NRG3: variants seen among roughly 807,000 people sequenced by gnomAD.
NRG3 encodes the protein pro-neuregulin-3, membrane-bound isoform.
NRG3 carries 31 observed loss-of-function variants against 66.9 expected under a neutral mutation model. The ratio of observed to expected loss-of-function variants is 0.46; its 90% CI spans 0.35 to 0.63. The LOEUF is 0.63. Ranked by LOEUF, NRG3 falls within the 20% of genes least tolerant of loss-of-function variation. NRG3 has a pLI of 0.00. For synonymous variants in NRG3, 393 were observed against 359.4 expected (o/e 1.09, Z -1.06); for missense variants, 910 against 878.9 (o/e 1.04, Z -0.45).
intron 2 of NRG3, among the ~76,000 whole-genome samples, chr10:82,463,445 G>T (rs574359583): frequency 1.3e-5 from 2 of 152,274 alleles, no homozygotes; most frequent in Admixed American, 1.3e-4. Context: ...TTCTCAGTTG[G>T]CTTTTTAAAT....
At chr10:81,953,491 C>A (rs1367180432) in intron 1 of NRG3, among the ~76,000 whole-genome samples, 1 of 152,246 alleles carries the variant, frequency 6.6e-6, no homozygotes, top group African/African-American at 2.4e-5. Context: ...CCTTCCAGTC[C>A]ATTCTGATAC....
chr10:82,720,148 G>A (rs868338916), intron 2 of NRG3, among the ~76,000 whole-genome samples: 2 of 152,244 alleles, frequency 1.3e-5, no homozygotes, highest in South Asian at 4.1e-4. Flanking sequence ...CTAGCACTTC[G>A]GGAGGCCGAG....
intron 1 of NRG3, among the ~76,000 whole-genome samples, chr10:82,335,565 G>A (rs2082346056): frequency 6.6e-6 from 1 of 152,096 alleles, no homozygotes; most frequent in East Asian, 1.9e-4. Context: ...GATCACTTGA[G>A]CCCAGAAGTT....
chr10:82,592,978 A>G (rs759965880), intron 2 of NRG3, among the ~76,000 whole-genome samples: 6 of 152,180 alleles, frequency 3.9e-5, no homozygotes, highest in Non-Finnish European at 7.3e-5. Context: ...TTATGGCCCA[A>G]TGGGACTAAC....
intron 4 of NRG3, among the ~76,000 whole-genome samples, chr10:82,918,641 A>G (rs580298): frequency 0.15 from 23,432 of 152,046 alleles, 2,143 homozygotes; most frequent in South Asian, 0.33. Flanking sequence ...GGGTTCAGCT[A>G]ACCGTTAAAG....
chr10:82,382,454 G>A lies in NRG3; in HGVS notation c.953+23586G>A, dbSNP rs17099948. On this transcript the variant is annotated intron_variant, in intron 2 of 8. Transcript: ENST00000372141. ...CAAATTTGTGTTTTATAATGATAAA[G>A]GAAAGGCACAAATTTTTGTATTTTT... 3.1e-3 allele frequency among the ~76,000 whole-genome samples: 473 copies of A among 151,942 alleles called. 7 individuals are homozygous for A. The East Asian group carries it at 0.054, about 17-fold the overall frequency.
chr10:82,963,299 A>T (rs940585914), intron 6 of NRG3, among the ~76,000 whole-genome samples: 8 of 152,218 alleles, frequency 5.3e-5, no homozygotes, highest in Non-Finnish European at 8.8e-5. Flanking sequence ...CATAGACTTA[A>T]TGTACCCTAA....
At chr10:82,304,456 G>C (rs374908822) in intron 1 of NRG3, among the ~76,000 whole-genome samples, 4 of 152,182 alleles carry the variant, frequency 2.6e-5, no homozygotes, top group East Asian at 3.9e-4. Context: ...GATTTTACTT[G>C]CAGGGTTCTT....
intron 2 of NRG3, among the ~76,000 whole-genome samples, chr10:82,390,498 G>A (rs533525244): frequency 9.1e-4 from 139 of 152,188 alleles, no homozygotes; most frequent in Non-Finnish European, 4.4e-5. Flanking sequence ...TCTTTAAATA[G>A]GGGGACCTAC....
At chr10:81,912,591 A>T (rs1008761129) in intron 1 of NRG3, among the ~76,000 whole-genome samples, 1 of 152,234 alleles carries the variant, frequency 6.6e-6, no homozygotes. Flanking sequence ...GTGGGGGAGC[A>T]GGTAGCAGAG....
At chr10:82,603,075 G>A (rs1032735203) in intron 2 of NRG3, among the ~76,000 whole-genome samples, 2 of 152,180 alleles carry the variant, frequency 1.3e-5, no homozygotes, top group Non-Finnish European at 2.9e-5. Flanking sequence ...GTACTTGGAA[G>A]ATGTGTTATT....
intron 4 of NRG3, among the ~76,000 whole-genome samples, chr10:82,948,088 G>A (rs889046424): frequency 6.6e-6 from 1 of 151,914 alleles, no homozygotes; most frequent in Non-Finnish European, 1.5e-5. Flanking sequence ...GTGTATATAT[G>A]TATAGAGTAT....
At chr10:82,388,878 T>G (rs1483976268) in intron 2 of NRG3, among the ~76,000 whole-genome samples, 1 of 152,152 alleles carries the variant, frequency 6.6e-6, no homozygotes, top group Non-Finnish European at 1.5e-5. Flanking sequence ...TGGAGTGTGT[T>G]AAAATAAATA....
At chr10:82,826,571 T>A (rs2062220665) in intron 3 of NRG3, among the ~76,000 whole-genome samples, 1 of 152,208 alleles carries the variant, frequency 6.6e-6, no homozygotes, top group African/African-American at 2.4e-5. Context: ...CAGGGAATAC[T>A]ACACAGCCAT....
chr10:82,014,711 C>T (rs1335443050), intron 1 of NRG3, among the ~76,000 whole-genome samples: 1 of 152,084 alleles, frequency 6.6e-6, no homozygotes, highest in Non-Finnish European at 1.5e-5. Context: ...CTGGCAGAGG[C>T]AGGGTGAAGG....
At chr10:82,132,941 T>C (rs909702096) in intron 1 of NRG3, among the ~76,000 whole-genome samples, 4 of 152,050 alleles carry the variant, frequency 2.6e-5, no homozygotes, top group Non-Finnish European at 5.9e-5. Context: ...ATCTCTGATT[T>C]ATTTGGATCT....
intron 2 of NRG3, among the ~76,000 whole-genome samples, chr10:82,398,551 G>A (rs2086878503): frequency 6.6e-6 from 1 of 150,718 alleles, no homozygotes; most frequent in African/African-American, 2.4e-5. Context: ...GAGAGTATGA[G>A]TGTGTGCCTG....
chr10:82,874,969 A>T (rs986761162), intron 4 of NRG3, among the ~76,000 whole-genome samples: 4 of 152,210 alleles, frequency 2.6e-5, no homozygotes, highest in Non-Finnish European at 4.4e-5. Context: ...ACTCACAATT[A>T]TCCAAGCTAC....
intron 2 of NRG3, among the ~76,000 whole-genome samples, chr10:82,463,689 G>A (rs1388896809): frequency 6.6e-6 from 1 of 152,098 alleles, no homozygotes; most frequent in Admixed American, 6.5e-5. Flanking sequence ...CTGGATAACT[G>A]GGCAAAGTCA....
Sources: gnomAD v4.1 joint callset for allele counts (sites outside exome capture counted in the v4.1 genomes callset) on GRCh38, gnomAD v4.1.1 for gene constraint, MANE v1.5 for transcripts, NCBI Gene and HGNC (gene_info 2026-07-23, HGNC 2026-07-21) for gene names.